The following TLL2 variants were observed in gnomAD, a reference collection of about 807,000 sequenced individuals.
TLL2 encodes tolloid-like protein 2.
Under a neutral mutation model 123.0 loss-of-function variants are expected in TLL2, and 106 were observed. The ratio of observed to expected loss-of-function variants is 0.86; its 90% CI spans 0.74 to 1.01. The LOEUF is 1.01. Among genes scored for constraint, TLL2 ranks in the 50% least tolerant of loss-of-function variants. TLL2 has a pLI of 0.00. For missense variants in TLL2, 1,332 were observed against 1,336.7 expected, an observed-to-expected ratio of 1.00 and a Z score of 0.06; for synonymous variants, 494 against 516.8, an observed-to-expected ratio of 0.96 and a Z score of 0.60.
rs547941816 is a variant in TLL2 at position 96,429,322 on chromosome 10, C to T, written c.521-574G>A. Among the ~76,000 whole-genome samples the T allele has an allele frequency of 2.0e-5, 3 of 150,790 alleles. No homozygotes were observed. The South Asian group carries it at 6.3e-4, about 32-fold the overall frequency. ...ATATATCAAATCTTCATGTTGTATACCTTGAATATATACAATTTTTATTTG... is the reference window on the plus strand; with the variant it reads ...ATATATCAAATCTTCATGTTGTATATCTTGAATATATACAATTTTTATTTG... On this transcript the variant is annotated intron_variant, in intron 4 of 20. Transcript: ENST00000357947.
At chr10:96,478,410 T>A (rs1010783697) in intron 2 of TLL2, among the ~76,000 whole-genome samples, 4 of 152,246 alleles carry the variant, frequency 2.6e-5, no homozygotes, top group Non-Finnish European at 5.9e-5. Context: ...ACAACCACTT[T>A]GGAGAACTCT....
intron 1 of TLL2, among the ~76,000 whole-genome samples, chr10:96,505,638 A>G (rs1193865902): frequency 6.6e-6 from 1 of 152,150 alleles, no homozygotes; most frequent in Non-Finnish European, 1.5e-5. Flanking sequence ...GGAGTGGTAG[A>G]GCCAGTATTT....
intron 13 of TLL2, among the ~76,000 whole-genome samples, chr10:96,393,720 CTTTTTTTTT>C (rs1846311133): frequency 9.8e-6 from 1 of 102,164 alleles, no homozygotes; most frequent in Non-Finnish European, 2.1e-5. Flanking sequence ...TATGGCCTGG[CTTTTTTTTT>C]CTTTTTTTTC....
intron 8 of TLL2, chr10:96,410,695 C>G (rs1006414509): frequency 1.3e-5 from 8 of 632,918 alleles, no homozygotes; most frequent in African/African-American, 1.8e-5. Context: ...TTCTGAGGCT[C>G]TCAGGACTGA....
At chr10:96,373,276 G>C in intron 19 of TLL2, 1 of 302,670 alleles carries the variant, frequency 3.3e-6, no homozygotes, top group Non-Finnish European at 6.4e-6. Flanking sequence ...TGAGTAGCTG[G>C]AATTACAGGC....
chr10:96,502,202 G>T (rs193028832), intron 1 of TLL2, among the ~76,000 whole-genome samples: 291 of 152,262 alleles, frequency 1.9e-3, no homozygotes, highest in Non-Finnish European at 3.6e-3. Context: ...TGGCAGGTAA[G>T]GGGAGGGAGG....
chr10:96,446,075 T>G lies in TLL2; in HGVS notation c.364+16A>C, dbSNP rs1272877205. The stretch of plus-strand genomic sequence containing the variant: ...GAAAACAAGGTACCCAAAGACCTGG[T>G]GAGGGCTCACATTACCCTTTCCAGC... On this transcript the variant is annotated intron_variant, in intron 3 of 20. Transcript: ENST00000357947. The G allele has an allele frequency of 6.2e-7, 1 of 1,613,874 alleles. No homozygotes were observed. The highest frequency in any genetic ancestry group is 8.5e-7 in the Non-Finnish European group (1 of 1,179,802).
intron 5 of TLL2, 42 bp downstream of exon 5, chr10:96,428,589 C>G: frequency 7.6e-7 from 1 of 1,307,866 alleles, no homozygotes; most frequent in Admixed American, 1.7e-5. Flanking sequence ...CATGAGCCAT[C>G]CGACTGATTC....
chr10:96,451,029 C>A (rs1180818237), intron 2 of TLL2, among the ~76,000 whole-genome samples: 3 of 152,140 alleles, frequency 2.0e-5, no homozygotes, highest in Admixed American at 1.3e-4. Context: ...GCCCTCCAGG[C>A]CTTGAAAAGA....
intron 14 of TLL2, among the ~76,000 whole-genome samples, chr10:96,386,740 C>G (rs1274611094): frequency 1.3e-5 from 2 of 152,188 alleles, no homozygotes; most frequent in Non-Finnish European, 2.9e-5. Flanking sequence ...ATTTCAGTCT[C>G]TAGGGCAGAG....
intron 2 of TLL2, among the ~76,000 whole-genome samples, chr10:96,479,039 T>C (rs550001729): frequency 6.6e-6 from 1 of 152,264 alleles, no homozygotes; most frequent in Non-Finnish European, 1.5e-5. Context: ...GGGAGAAAAG[T>C]GTGATTAGAT....
chr10:96,508,433 G>A (rs1032182335), intron 1 of TLL2, among the ~76,000 whole-genome samples: 2 of 152,180 alleles, frequency 1.3e-5, no homozygotes, highest in Non-Finnish European at 2.9e-5. Flanking sequence ...AAAGTCTGAA[G>A]TGTGGGCTTA....
At chr10:96,480,243 A>G (rs1352443700) in intron 2 of TLL2, 106 bp downstream of exon 2, 2 of 907,096 alleles carry the variant, frequency 2.2e-6, no homozygotes, top group African/African-American at 3.3e-5. Flanking sequence ...ATAGGGGGGC[A>G]TTAGACTAGC....
chr10:96,493,975 G>T (rs886878138), intron 1 of TLL2, among the ~76,000 whole-genome samples: 1 of 152,190 alleles, frequency 6.6e-6, no homozygotes, highest in South Asian at 2.1e-4. Flanking sequence ...AGACCTTTTG[G>T]CTCCAAGACT....
At chr10:96,482,253 G>A (rs796668296) in intron 1 of TLL2, among the ~76,000 whole-genome samples, 13 of 142,608 alleles carry the variant, frequency 9.1e-5, no homozygotes, top group African/African-American at 3.1e-4. Flanking sequence ...GCGAGACTAC[G>A]TCTCAAAAAA....
intron 13 of TLL2, among the ~76,000 whole-genome samples, chr10:96,393,583 G>A (rs7068828): frequency 0.44 from 67,436 of 152,070 alleles, 15,378 homozygotes; most frequent in East Asian, 0.67. Context: ...CCCAGGCTGG[G>A]AGACACCAGG....
intron 2 of TLL2, among the ~76,000 whole-genome samples, chr10:96,450,935 T>C (rs74909282): frequency 0.032 from 4,933 of 152,302 alleles, 221 homozygotes; most frequent in African/African-American, 0.098. Flanking sequence ...AAAGACCTTG[T>C]AGATTTCATT....
chr10:96,480,531 A>G, intron 1 of TLL2, 72 bp from the exon 2 acceptor site: 1 of 1,206,482 alleles, frequency 8.3e-7, no homozygotes. Context: ...AATGCCCCAA[A>G]GGGCATTGGG....
intron 1 of TLL2, among the ~76,000 whole-genome samples, chr10:96,482,922 A>G (rs1042384974): frequency 2.0e-5 from 3 of 152,260 alleles, no homozygotes; most frequent in East Asian, 3.8e-4. Flanking sequence ...TTGTTCAGAT[A>G]AAGAAAACTA....
Sources: allele counts gnomAD v4.1 joint callset (sites outside exome capture counted in the v4.1 genomes callset), GRCh38; gene constraint gnomAD v4.1.1; transcripts MANE v1.5; gene names NCBI Gene and HGNC (gene_info 2026-07-23, HGNC 2026-07-21).